The following NUSAP1 variants were observed in gnomAD, a reference collection of about 807,000 sequenced individuals.
NUSAP1 encodes nucleolar and spindle associated protein 1.
In NUSAP1, 32 loss-of-function variants were observed where a neutral mutation model predicts 52.8. That is an observed-to-expected ratio of 0.61 (90% CI 0.46 to 0.81). The LOEUF (loss-of-function observed/expected upper bound fraction) is 0.81, where lower values mean the gene tolerates loss of function less well. Among genes scored for constraint, NUSAP1 ranks in the 40% least tolerant of loss-of-function variants. NUSAP1 has a pLI of 0.00. For synonymous variants in NUSAP1, 195 were observed against 183.1 expected, an observed-to-expected ratio of 1.06 and a Z score of -0.52; for missense variants, 499 against 522.3, an observed-to-expected ratio of 0.96 and a Z score of 0.43.
intron 6 of NUSAP1, among the ~76,000 whole-genome samples, chr15:41,365,191 G>A (rs1289694835): frequency 2.0e-5 from 3 of 152,138 alleles, no homozygotes; most frequent in South Asian, 4.1e-4. Flanking sequence ...TTTTTGAGAT[G>A]TAGTCTCGCT....
intron 7 of NUSAP1, among the ~76,000 whole-genome samples, chr15:41,368,996 C>T (rs2049546317): frequency 6.6e-6 from 1 of 151,894 alleles, no homozygotes; most frequent in African/African-American, 2.4e-5. Flanking sequence ...AAGTGATCCA[C>T]CTGCCTTGCC....
chr15:41,379,505 G>T (rs1395414237), intron 10 of NUSAP1, among the ~76,000 whole-genome samples: 1 of 151,990 alleles, frequency 6.6e-6, no homozygotes, highest in African/African-American at 2.4e-5. Flanking sequence ...CAATCAGCAA[G>T]GTGTCTCCTG....
rs1314497187 is a variant in NUSAP1 at position 41,365,446 on chromosome 15, A to G, written c.705A>G (p.Pro235=). 6.2e-7 allele frequency: 1 copy of G among 1,613,112 alleles called. No homozygotes were observed. Among genetic ancestry groups the G allele is most frequent in the East Asian group, 2.2e-5 (1 of 44,856 alleles). The change falls in exon 7 of 11, where the codon CCA becomes CCG. Residue 235 remains proline, a synonymous_variant. Transcript: ENST00000559596. ...GAGGGGTCAGGACTCCAGTACCTCC[A>G]AGAGGAAGACTCTCTGTGGCTTCTA... ...NKGGVRTPVP[P]RGRLSVASTP... is the part of the protein sequence containing the mutation.
chr15:41,367,630 G>A (rs2049474576), intron 7 of NUSAP1, among the ~76,000 whole-genome samples: 1 of 151,966 alleles, frequency 6.6e-6, no homozygotes, highest in African/African-American at 2.4e-5. Context: ...AGGAATTCCT[G>A]GCAACTCTCC....
intron 3 of NUSAP1, 31 bp from the exon 4 acceptor site, chr15:41,350,957 G>T: frequency 6.4e-7 from 1 of 1,565,702 alleles, no homozygotes; most frequent in East Asian, 2.3e-5. Context: ...ATTTATCATC[G>T]AAATCTTTTA....
intron 1 of NUSAP1, among the ~76,000 whole-genome samples, chr15:41,337,620 C>T (rs1275390759): frequency 6.6e-6 from 1 of 152,182 alleles, no homozygotes; most frequent in African/African-American, 2.4e-5. Context: ...TTCTTTTCTA[C>T]TGAAATTGCT....
chr15:41,376,911 C>G (rs1488297709), intron 9 of NUSAP1, among the ~76,000 whole-genome samples: 3 of 151,272 alleles, frequency 2.0e-5, no homozygotes, highest in African/African-American at 7.3e-5. Flanking sequence ...CCCGTCTCTA[C>G]TAAAAAATAC....
chr15:41,337,391 C>A (rs1207299013), intron 1 of NUSAP1, among the ~76,000 whole-genome samples: 1 of 152,204 alleles, frequency 6.6e-6, no homozygotes, highest in Non-Finnish European at 1.5e-5. Context: ...TAAGGGCAAC[C>A]TTTCCATTTA....
At chr15:41,358,878 G>A (rs1172819125) in intron 6 of NUSAP1, among the ~76,000 whole-genome samples, 3 of 152,100 alleles carry the variant, frequency 2.0e-5, no homozygotes, top group Non-Finnish European at 1.5e-5. Context: ...TCTTTCCCTC[G>A]TCCCTTATGT....
At chr15:41,349,307 T>C in intron 3 of NUSAP1, 66 bp downstream of exon 3, 1 of 1,481,354 alleles carries the variant, frequency 6.8e-7, no homozygotes, top group East Asian at 2.3e-5. Context: ...TTTATGGAGA[T>C]TTCTTTTTAA....
intron 6 of NUSAP1, among the ~76,000 whole-genome samples, chr15:41,360,059 G>A (rs2049115284): frequency 6.6e-6 from 1 of 151,072 alleles, no homozygotes; most frequent in Non-Finnish European, 1.5e-5. Flanking sequence ...CCCGGATGCA[G>A]CAGATTATTT....
At chr15:41,346,828 AAAAT>A (rs71431808) in intron 2 of NUSAP1, among the ~76,000 whole-genome samples, 41,033 of 129,460 alleles carry the variant, frequency 0.32, 6,622 homozygotes, top group East Asian at 0.5. Context: ...CCCCGTCTCA[AAAAT>A]AAATAAATAA....
rs746557428 is a variant in NUSAP1 at position 41,358,160 on chromosome 15, C to A, written c.562C>A (p.Leu188Ile). 1.3e-6 allele frequency: 2 copies of A among 1,493,260 alleles called. No homozygotes were observed. The highest frequency in any genetic ancestry group is 1.4e-5 in the African/African-American group (1 of 71,590). 92.5% of individuals were successfully genotyped at this position (1,493,260 alleles called of 1,614,324 possible). Residue 188 changes from leucine to isoleucine, a missense_variant, in exon 6 of 11, where the codon CTT (leucine) becomes ATT (isoleucine). Physicochemically the swap from Leu to Ile is conservative, Grantham distance 5. Transcript: ENST00000559596. Reference sequence around the variant, plus strand: ...TTGGAACATTCTAGACTTTAAGAAGCTTCATGAAGCTCATTTTAAGGAAAT... The same window carrying A: ...TTGGAACATTCTAGACTTTAAGAAGATTCATGAAGCTCATTTTAAGGAAAT... Reference protein sequence around the residue: ...TAITTPNFKKLHEAHFKEMES... With the variant: ...TAITTPNFKKIHEAHFKEMES...
At chr15:41,338,667 G>T (rs989528954) in intron 1 of NUSAP1, among the ~76,000 whole-genome samples, 2 of 152,122 alleles carry the variant, frequency 1.3e-5, no homozygotes, top group Non-Finnish European at 2.9e-5. Flanking sequence ...AAGAGAGAGA[G>T]ACCAGGCGCC....
At position 41,342,481 on chromosome 15, in the gene NUSAP1, G is replaced by T. The variant is rs184113510; in HGVS notation, c.162+27G>T. On this transcript the variant is annotated intron_variant, in intron 2 of 10. Transcript: ENST00000559596. ...TGAGTAATGTTTTTCATGTTTACCT[G>T]TTAGCTAGCAAAATAATCATATTTG... is the stretch of plus-strand genomic sequence containing the variant. The T allele has an allele frequency of 1.2e-4, 177 of 1,473,270 alleles. No individual in the cohort carries two copies. In the East Asian group the frequency reaches 3.7e-3, roughly 31 times the overall value. The allele number at this position is 1,473,270 out of a possible 1,614,324, so 91.3% of individuals were successfully genotyped here.
chr15:41,376,878 C>T (rs1348750162), intron 9 of NUSAP1, among the ~76,000 whole-genome samples: 1 of 151,672 alleles, frequency 6.6e-6, no homozygotes, highest in Non-Finnish European at 1.5e-5. Context: ...AGCTCAAGAC[C>T]AGCATGGGCA....
At chr15:41,347,039 G>T (rs2048602061) in intron 2 of NUSAP1, among the ~76,000 whole-genome samples, 1 of 151,960 alleles carries the variant, frequency 6.6e-6, no homozygotes, top group Admixed American at 6.6e-5. Context: ...GGGCATGGTG[G>T]CATGTACCTG....
At chr15:41,350,951 A>T (rs2048755196) in intron 3 of NUSAP1, 37 bp from the exon 4 acceptor site, 1 of 1,549,314 alleles carries the variant, frequency 6.5e-7, no homozygotes, top group Non-Finnish European at 8.8e-7. Flanking sequence ...ATTCTTATTT[A>T]TCATCGAAAT....
At chr15:41,336,587 G>C (rs1014236772) in intron 1 of NUSAP1, among the ~76,000 whole-genome samples, 1 of 150,032 alleles carries the variant, frequency 6.7e-6, no homozygotes, top group Non-Finnish European at 1.5e-5. Flanking sequence ...TTTGTTGAGC[G>C]AACTTATTTT....
Sources: gnomAD v4.1 joint callset for allele counts (sites outside exome capture counted in the v4.1 genomes callset) on GRCh38, gnomAD v4.1.1 for gene constraint, MANE v1.5 for transcripts, NCBI Gene and HGNC (gene_info 2026-07-23, HGNC 2026-07-21) for gene names.